The following TULP3 variants were observed in gnomAD, a reference collection of about 807,000 sequenced individuals.
TULP3 encodes TUB like protein 3, also known as tubby-related protein 3.
Under a neutral mutation model 50.7 loss-of-function variants are expected in TULP3, and 38 were observed. The observed-to-expected ratio is 0.75, with a 90% confidence interval of 0.58 to 0.98. The LOEUF (loss-of-function observed/expected upper bound fraction) is 0.98. Among genes scored for constraint, TULP3 ranks in the 50% least tolerant of loss-of-function variants. The pLI is 0.00. For missense variants in TULP3, 550 were observed against 568.0 expected (o/e 0.97, Z 0.32); for synonymous variants, 183 against 196.6 (o/e 0.93, Z 0.58).
intron 1 of TULP3, among the ~76,000 whole-genome samples, chr12:2,905,262 T>C (rs2098181554): frequency 6.7e-6 from 1 of 149,124 alleles, no homozygotes; most frequent in Admixed American, 6.7e-5. Flanking sequence ...CTTGGCTCAC[T>C]GCAACCTCCA....
Position 2,931,204 on chromosome 12 carries a change from C to G in TULP3, c.660C>G (p.Thr220=). The change falls in exon 6 of 11, where the codon ACC becomes ACG. Residue 220 remains threonine, a synonymous_variant. Transcript: ENST00000448120. The part of the protein sequence containing the change: ...KRGMDRGLFP[T]YYMYLEKEEN... Reference sequence around the variant, plus strand: ...GAATGGATCGGGGTCTCTTCCCCACCTACTATATGTACTTGGAAAAAGAAG... The same window carrying G: ...GAATGGATCGGGGTCTCTTCCCCACGTACTATATGTACTTGGAAAAAGAAG... 1 of 1,614,178 alleles carries G rather than the reference C, an allele frequency of 6.2e-7. No individual in the cohort carries two copies. Among genetic ancestry groups the G allele is most frequent in the Non-Finnish European group, 8.5e-7 (1 of 1,180,048 alleles).
intron 4 of TULP3, among the ~76,000 whole-genome samples, chr12:2,924,525 T>A (rs149213977): frequency 7.8e-4 from 117 of 150,760 alleles, no homozygotes; most frequent in African/African-American, 2.6e-3. Flanking sequence ...CAAAAAAAAA[T>A]TTTTAATTAG....
intron 7 of TULP3, among the ~76,000 whole-genome samples, chr12:2,934,006 G>A (rs2098199707): frequency 6.6e-6 from 1 of 152,128 alleles, no homozygotes; most frequent in Admixed American, 6.6e-5. Flanking sequence ...CCCAGCATTT[G>A]GGGAGGCTGA....
intron 1 of TULP3, among the ~76,000 whole-genome samples, chr12:2,891,692 T>C (rs1037335143): frequency 2.0e-5 from 3 of 152,166 alleles, no homozygotes; most frequent in African/African-American, 4.8e-5. Flanking sequence ...TTAGAAACTT[T>C]GGCGTCATCT....
intron 2 of TULP3, among the ~76,000 whole-genome samples, chr12:2,915,155 A>T (rs1361910370): frequency 6.6e-6 from 1 of 151,470 alleles, no homozygotes; most frequent in Admixed American, 6.6e-5. Context: ...TGCCTGGCTA[A>T]TTTTTTGTAT....
At chr12:2,937,816 A>G (rs1452082248) in intron 9 of TULP3, 87 bp downstream of exon 9, 1 of 1,107,028 alleles carries the variant, frequency 9.0e-7, no homozygotes, top group Non-Finnish European at 1.3e-6. Flanking sequence ...AAAAAAAAAG[A>G]TTGAGCTTCC....
Position 2,920,771 on chromosome 12 carries a change from A to G in TULP3, c.102A>G (p.Leu34=), listed in dbSNP as rs2098191218. ...TATCGCTTTTTTCCCAGAGGCTACTACTTGAGAAGAGGCAAAGGAAAAAGC... is the reference window on the plus strand; with the variant it reads ...TATCGCTTTTTTCCCAGAGGCTACTGCTTGAGAAGAGGCAAAGGAAAAAGC... ...RQAKLDYQRL[L]LEKRQRKKRL... Residue 34 remains leucine (L), a synonymous_variant, in exon 3 of 11, where the codon CTA becomes CTG. Transcript: ENST00000448120. 2 of 1,614,136 alleles carry G rather than the reference A, an allele frequency of 1.2e-6. No homozygotes were observed. Among genetic ancestry groups the G allele is most frequent in the African/African-American group, 2.7e-5 (2 of 75,040 alleles).
intron 2 of TULP3, among the ~76,000 whole-genome samples, chr12:2,914,414 A>C (rs1406371069): frequency 6.6e-6 from 1 of 151,976 alleles, no homozygotes; most frequent in Non-Finnish European, 1.5e-5. Context: ...ATGAGCTACC[A>C]CTCCCAGCCA....
intron 1 of TULP3, among the ~76,000 whole-genome samples, chr12:2,903,924 C>T (rs538114912): frequency 1.3e-5 from 2 of 152,174 alleles, no homozygotes; most frequent in South Asian, 4.1e-4. Flanking sequence ...GCTGGGATTA[C>T]AGGCGCCCAC....
intron 4 of TULP3, among the ~76,000 whole-genome samples, chr12:2,926,746 C>CA (rs1288930172): frequency 8.2e-5 from 11 of 134,262 alleles, no homozygotes; most frequent in Admixed American, 3.8e-4. Context: ...ACTAAAAATT[C>CA]AAAAAAAAGT....
At chr12:2,935,625 T>C (rs1252046235) in intron 8 of TULP3, among the ~76,000 whole-genome samples, 2 of 152,200 alleles carry the variant, frequency 1.3e-5, no homozygotes, top group East Asian at 3.8e-4. Flanking sequence ...CTGAGAACCA[T>C]TTGACTTCAC....
chr12:2,909,716 G>A, intron 2 of TULP3, 136 bp downstream of exon 2: 2 of 916,528 alleles, frequency 2.2e-6, no homozygotes, highest in Non-Finnish European at 3.4e-6. Flanking sequence ...TACCTGTGAA[G>A]CAGTGTCTGG....
At chr12:2,895,961 A>G (rs1449391849) in intron 1 of TULP3, among the ~76,000 whole-genome samples, 2 of 145,266 alleles carry the variant, frequency 1.4e-5, no homozygotes, top group Non-Finnish European at 3.0e-5. Flanking sequence ...TTTTTTTGAG[A>G]CGGAGTCGCA....
At chr12:2,922,904 A>G (rs1350751709) in intron 4 of TULP3, among the ~76,000 whole-genome samples, 1 of 144,506 alleles carries the variant, frequency 6.9e-6, no homozygotes, top group African/African-American at 2.6e-5. Flanking sequence ...CGCTGGCTGG[A>G]GTGCAGTGAC....
chr12:2,890,900 A>T lies in TULP3; in HGVS notation c.-48A>T. On this transcript the variant is annotated 5_prime_UTR_variant, in exon 1 of 11. Transcript: ENST00000448120. ...GCGTGCCAGCCTAGCCACTCTAGCG[A>T]CGGCGGGGAAGAGTGTGTACGTGGT... 1 of 1,536,044 alleles carries T rather than the reference A, an allele frequency of 6.5e-7. No homozygotes were observed. Among genetic ancestry groups the T allele is most frequent in the Non-Finnish European group, 8.8e-7 (1 of 1,140,268 alleles).
chr12:2,905,498 T>C (rs2098181684), intron 1 of TULP3, among the ~76,000 whole-genome samples: 1 of 152,210 alleles, frequency 6.6e-6, no homozygotes, highest in Non-Finnish European at 1.5e-5. Flanking sequence ...AAAATGTCTT[T>C]ATAGGTTATA....
In TULP3 at chr12:2,938,338, G is replaced by T. The variant is rs545525065; in HGVS notation, c.1195+53G>T. The T allele has an allele frequency of 3.8e-4, 604 of 1,571,582 alleles. 1 individual carries two copies. Among genetic ancestry groups the T allele is most frequent in the Non-Finnish European group, 4.6e-4 (532 of 1,151,794 alleles). On this transcript the variant is annotated intron_variant, in intron 10 of 10. Transcript: ENST00000448120. Reference sequence around the variant, plus strand: ...AAGAGGAGGACAGATGCTCTTACAGGATGGGAATGCACATTCCCTGTACAT... The same window carrying T: ...AAGAGGAGGACAGATGCTCTTACAGTATGGGAATGCACATTCCCTGTACAT...
At chr12:2,917,049 T>TA (rs2098189053) in intron 2 of TULP3, among the ~76,000 whole-genome samples, 1 of 152,132 alleles carries the variant, frequency 6.6e-6, no homozygotes, top group African/African-American at 2.4e-5. Flanking sequence ...TATAACCAGG[T>TA]CCTTTGGCAC....
At chr12:2,904,364 A>G (rs1485566145) in intron 1 of TULP3, among the ~76,000 whole-genome samples, 1 of 152,072 alleles carries the variant, frequency 6.6e-6, no homozygotes, top group Non-Finnish European at 1.5e-5. Context: ...CTGAGATGGA[A>G]TCTCGCTCTG....
Sources: allele counts gnomAD v4.1 joint callset (sites outside exome capture counted in the v4.1 genomes callset), GRCh38; gene constraint gnomAD v4.1.1; transcripts MANE v1.5; gene names NCBI Gene and HGNC (gene_info 2026-07-23, HGNC 2026-07-21).